Variants in PACRG observed in about 807,000 individuals in gnomAD.
PACRG encodes the protein parkin coregulated gene protein.
Under a neutral mutation model 29.7 loss-of-function variants are expected in PACRG, and 29 were observed. The observed-to-expected ratio is 0.98, with a 90% CI of 0.73 to 1.33. The LOEUF is 1.33. PACRG is among the 40% of genes most tolerant of loss of function. The pLI is 0.00. For synonymous variants in PACRG, 116 were observed against 118.7 expected, an observed-to-expected ratio of 0.98 and a Z score of 0.15; for missense variants, 279 against 316.2, an observed-to-expected ratio of 0.88 and a Z score of 0.89.
chr6:162,774,522 A>C (rs568853752), intron 1 of PACRG, among the ~76,000 whole-genome samples: 1 of 152,184 alleles, frequency 6.6e-6, no homozygotes, highest in Non-Finnish European at 1.5e-5. Flanking sequence ...AATTTTTTGC[A>C]TGTGTGATAG....
intron 4 of PACRG, among the ~76,000 whole-genome samples, chr6:163,260,557 T>A (rs565310191): frequency 1.3e-5 from 2 of 152,326 alleles, no homozygotes; most frequent in South Asian, 2.1e-4. Context: ...GAGTTGCCAA[T>A]CCGTGGGCTC....
intron 4 of PACRG, among the ~76,000 whole-genome samples, chr6:163,200,996 TCAGC>T (rs1405318880): frequency 6.6e-6 from 1 of 152,248 alleles, no homozygotes; most frequent in Non-Finnish European, 1.5e-5. Flanking sequence ...GTCCTGCCTC[TCAGC>T]AGTTCAGGTC....
intron 2 of PACRG, among the ~76,000 whole-genome samples, chr6:163,057,112 CA>C (rs1444782184): frequency 1.3e-5 from 2 of 151,958 alleles, no homozygotes; most frequent in East Asian, 3.9e-4. Flanking sequence ...AGAACAACAA[CA>C]AAAAAGTACC....
At chr6:163,269,905 A>G (rs112659469) in intron 4 of PACRG, among the ~76,000 whole-genome samples, 1 of 84,292 alleles carries the variant, frequency 1.2e-5, no homozygotes. Context: ...AAAGAAAGAA[A>G]GAAAGAAAGA....
chr6:162,905,990 A>G (rs996344466), intron 2 of PACRG, among the ~76,000 whole-genome samples: 2 of 152,178 alleles, frequency 1.3e-5, no homozygotes, highest in African/African-American at 2.4e-5. Context: ...TTCCTGGTTT[A>G]TATGGTTTTC....
intron 2 of PACRG, among the ~76,000 whole-genome samples, chr6:162,847,677 C>G (rs1278927188): frequency 6.6e-6 from 1 of 151,772 alleles, no homozygotes; most frequent in Non-Finnish European, 1.5e-5. Context: ...CACATGTGTC[C>G]TGCATTCACT....
intron 4 of PACRG, among the ~76,000 whole-genome samples, chr6:163,186,038 A>G (rs1251902985): frequency 1.3e-5 from 2 of 152,088 alleles, no homozygotes; most frequent in Admixed American, 1.3e-4. Context: ...GGCTTCTTTA[A>G]ACAGTGACTG....
intron 2 of PACRG, among the ~76,000 whole-genome samples, chr6:162,895,271 CAAA>C (rs35275122): frequency 6.4e-5 from 6 of 93,576 alleles, no homozygotes; most frequent in African/African-American, 3.9e-5. Context: ...CCCTCTCTCT[CAAA>C]AAAAAAAAAA....
intron 1 of PACRG, among the ~76,000 whole-genome samples, chr6:162,783,830 T>C (rs1784266543): frequency 6.6e-6 from 1 of 152,128 alleles, no homozygotes; most frequent in African/African-American, 2.4e-5. Context: ...CATATAAGTG[T>C]ATTTCTTTTA....
At chr6:162,772,639 A>G (rs192220906) in intron 1 of PACRG, among the ~76,000 whole-genome samples, 57 of 152,314 alleles carry the variant, frequency 3.7e-4, no homozygotes, top group Admixed American at 3.1e-3. Context: ...TTGAGAGACC[A>G]TGGAGGCATT....
chr6:163,270,623 C>T (rs1001366435), intron 4 of PACRG, among the ~76,000 whole-genome samples: 7 of 152,224 alleles, frequency 4.6e-5, no homozygotes, highest in African/African-American at 1.4e-4. Context: ...GTCCTCCCTC[C>T]TTGCCTCCCA....
At chr6:163,092,627 C>A (rs1814212269) in intron 4 of PACRG, among the ~76,000 whole-genome samples, 1 of 152,024 alleles carries the variant, frequency 6.6e-6, no homozygotes, top group Non-Finnish European at 1.5e-5. Context: ...CAGGCAAATC[C>A]CTTAAAGTCT....
At chr6:163,118,221 T>G (rs1816106567) in intron 4 of PACRG, among the ~76,000 whole-genome samples, 1 of 152,198 alleles carries the variant, frequency 6.6e-6, no homozygotes, top group East Asian at 1.9e-4. Context: ...AGGGGTGACG[T>G]CTGGAGAGAG....
At chr6:163,281,729 A>C (rs934854607) in intron 4 of PACRG, among the ~76,000 whole-genome samples, 5 of 152,208 alleles carry the variant, frequency 3.3e-5, no homozygotes, top group Non-Finnish European at 5.9e-5. Flanking sequence ...ATAGAGTAAT[A>C]ATATATAATT....
intron 1 of PACRG, among the ~76,000 whole-genome samples, chr6:162,783,986 T>A (rs1040614838): frequency 6.6e-6 from 1 of 152,170 alleles, no homozygotes; most frequent in African/African-American, 2.4e-5. Context: ...TTTACTCTTA[T>A]GAATTGGAAA....
At position 162,937,127 on chromosome 6, in the gene PACRG, A is replaced by G. The variant is rs79177466; in HGVS notation, c.291+122846A>G. On this transcript the variant is annotated intron_variant, in intron 2 of 4. Coordinates refer to ENST00000366888, the MANE Select transcript of PACRG (RefSeq NM_001080379.2). ...CATTTGTCAGAATAACTGAAAAGGC[A>G]TGGGTGGAGCTTAGACAATCCTGAT... is the stretch of plus-strand genomic sequence containing the variant. Among the ~76,000 whole-genome samples, 821 of 152,362 alleles carry G rather than the reference A, an allele frequency of 5.4e-3. 10 individuals carry two copies. The highest frequency in any genetic ancestry group is 0.019 in the African/African-American group (791 of 41,584).
At chr6:163,180,858 G>A (rs1398271539) in intron 4 of PACRG, among the ~76,000 whole-genome samples, 1 of 152,162 alleles carries the variant, frequency 6.6e-6, no homozygotes, top group African/African-American at 2.4e-5. Flanking sequence ...TGCGTCTCCT[G>A]GAGTCACCAG....
chr6:162,766,808 G>A (rs1027800524), intron 1 of PACRG, among the ~76,000 whole-genome samples: 1 of 152,010 alleles, frequency 6.6e-6, no homozygotes, highest in Non-Finnish European at 1.5e-5. Context: ...TAGAAATTAA[G>A]TCGGGCATCT....
intron 2 of PACRG, among the ~76,000 whole-genome samples, chr6:162,936,245 A>T (rs2090112): frequency 0.54 from 81,758 of 151,944 alleles, 22,603 homozygotes; most frequent in Middle Eastern, 0.7. Context: ...CCCACAACAC[A>T]TGGGAATCAT....
Sources: gnomAD v4.1 joint callset for allele counts (sites outside exome capture counted in the v4.1 genomes callset) on GRCh38, gnomAD v4.1.1 for gene constraint, MANE v1.5 for transcripts, NCBI Gene and HGNC (gene_info 2026-07-23, HGNC 2026-07-21) for gene names.